The following SUPT3H variants were observed in gnomAD, a reference collection of about 807,000 sequenced individuals.
The protein encoded by SUPT3H is SPT3 homolog, SAGA and STAGA complex component, also known as transcription initiation protein SPT3 homolog.
A neutral mutation model predicts 44.3 loss-of-function variants in SUPT3H; 44 were observed. The observed-to-expected ratio is 0.99, with a 90% CI of 0.78 to 1.28. The LOEUF (loss-of-function observed/expected upper bound fraction) is 1.28. SUPT3H is among the 50% of genes most tolerant of loss of function. The pLI is 0.00. For synonymous variants in SUPT3H, 124 were observed against 125.6 expected, an observed-to-expected ratio of 0.99 and a Z score of 0.09; for missense variants, 380 against 387.1, an observed-to-expected ratio of 0.98 and a Z score of 0.15.
At chr6:44,913,250 C>T (rs950020929) in intron 10 of SUPT3H, among the ~76,000 whole-genome samples, 2 of 152,146 alleles carry the variant, frequency 1.3e-5, no homozygotes, top group African/African-American at 4.8e-5. Flanking sequence ...TTCTTTGCTA[C>T]AATGCTGAGA....
chr6:44,938,484 T>C (rs1102211), intron 9 of SUPT3H, among the ~76,000 whole-genome samples: 10,557 of 152,212 alleles, frequency 0.069, 1,230 homozygotes, highest in African/African-American at 0.24. Context: ...GGCCTCACAG[T>C]ATAATCTGAA....
intron 6 of SUPT3H, among the ~76,000 whole-genome samples, chr6:44,975,526 G>A (rs1245913873): frequency 6.6e-6 from 1 of 151,988 alleles, no homozygotes; most frequent in African/African-American, 2.4e-5. Flanking sequence ...TAAGAACTAA[G>A]CTATGAAGAT....
intron 3 of SUPT3H, among the ~76,000 whole-genome samples, chr6:45,023,500 C>G (rs1785478676): frequency 6.6e-6 from 1 of 151,978 alleles, no homozygotes; most frequent in South Asian, 2.1e-4. Context: ...CAGTACTGTT[C>G]ACAATAACAA....
At chr6:45,308,755 TTA>T (rs1049767053) in intron 2 of SUPT3H, among the ~76,000 whole-genome samples, 1 of 11,922 alleles carries the variant, frequency 8.4e-5, no homozygotes, top group Non-Finnish European at 1.4e-4. Flanking sequence ...AAAAATAAAT[TTA>T]AAAAAAAAAA....
At chr6:45,010,243 T>C (rs559303965) in intron 5 of SUPT3H, among the ~76,000 whole-genome samples, 2 of 152,268 alleles carry the variant, frequency 1.3e-5, no homozygotes, top group East Asian at 3.9e-4. Flanking sequence ...ATTGAATTTC[T>C]TAGAATTTTC....
At chr6:44,837,455 G>A (rs533717810) in intron 10 of SUPT3H, among the ~76,000 whole-genome samples, 28 of 152,276 alleles carry the variant, frequency 1.8e-4, no homozygotes, top group African/African-American at 6.5e-4. Context: ...AGCAGGGGCT[G>A]GATAGTCTCA....
chr6:45,153,636 C>T (rs1041604637), intron 2 of SUPT3H, among the ~76,000 whole-genome samples: 6 of 152,178 alleles, frequency 3.9e-5, no homozygotes, highest in East Asian at 1.9e-4. Flanking sequence ...TTAGGGAGCC[C>T]GAGGCTGATG....
At chr6:44,918,859 CA>C (rs1201296846) in intron 10 of SUPT3H, among the ~76,000 whole-genome samples, 5 of 152,040 alleles carry the variant, frequency 3.3e-5, no homozygotes, top group African/African-American at 1.2e-4. Context: ...TGCGGGTGTA[CA>C]AAAACCTTTC....
chr6:45,221,955 G>C (rs1223669855), intron 2 of SUPT3H, among the ~76,000 whole-genome samples: 1 of 152,022 alleles, frequency 6.6e-6, no homozygotes, highest in Non-Finnish European at 1.5e-5. Flanking sequence ...ACAGAATACA[G>C]AACGCAGAAA....
intron 6 of SUPT3H, among the ~76,000 whole-genome samples, chr6:44,964,582 A>G (rs1776522920): frequency 6.6e-6 from 1 of 152,192 alleles, no homozygotes; most frequent in Non-Finnish European, 1.5e-5. Flanking sequence ...TAAACATGTG[A>G]AAGACTAAAT....
At chr6:45,293,166 A>T (rs1343965495) in intron 2 of SUPT3H, among the ~76,000 whole-genome samples, 2 of 152,158 alleles carry the variant, frequency 1.3e-5, no homozygotes. Flanking sequence ...TAAAACTGGA[A>T]ATCAACCCCA....
intron 6 of SUPT3H, among the ~76,000 whole-genome samples, chr6:44,989,610 C>T (rs1163517666): frequency 6.6e-6 from 1 of 152,088 alleles, no homozygotes; most frequent in Non-Finnish European, 1.5e-5. Flanking sequence ...TACCAAACTT[C>T]CTTTCCCACA....
At chr6:45,191,346 T>A (rs1435701865) in intron 2 of SUPT3H, among the ~76,000 whole-genome samples, 1 of 152,060 alleles carries the variant, frequency 6.6e-6, no homozygotes, top group Non-Finnish European at 1.5e-5. Context: ...TCCAACTATA[T>A]GAAATTCTGA....
At chr6:45,167,344 C>A (rs1465261705) in intron 2 of SUPT3H, among the ~76,000 whole-genome samples, 1 of 152,190 alleles carries the variant, frequency 6.6e-6, no homozygotes, top group African/African-American at 2.4e-5. Flanking sequence ...GAACTTTACA[C>A]CTGGCTCCAC....
intron 2 of SUPT3H, among the ~76,000 whole-genome samples, chr6:45,294,422 T>C (rs147477664): frequency 1.3e-5 from 2 of 152,120 alleles, no homozygotes; most frequent in African/African-American, 2.4e-5. Flanking sequence ...ACAGGAACAA[T>C]ACAAGGCTGC....
chr6:45,345,707 TA>T (rs1276122914), intron 2 of SUPT3H, among the ~76,000 whole-genome samples: 1 of 152,230 alleles, frequency 6.6e-6, no homozygotes, highest in African/African-American at 2.4e-5. Context: ...CAACTCATTT[TA>T]CATGATGCAT....
intron 2 of SUPT3H, among the ~76,000 whole-genome samples, chr6:45,284,433 A>T (rs1023319011): frequency 6.6e-6 from 1 of 152,240 alleles, no homozygotes; most frequent in Admixed American, 6.5e-5. Flanking sequence ...TCCCACAGAA[A>T]TACAAACTAT....
intron 10 of SUPT3H, among the ~76,000 whole-genome samples, chr6:44,885,290 T>C (rs1480116019): frequency 1.3e-5 from 2 of 152,116 alleles, no homozygotes; most frequent in South Asian, 2.1e-4. Context: ...CAGCTGGAGA[T>C]CTGAGAACGG....
At chr6:45,292,647 T>C (rs915242744) in intron 2 of SUPT3H, among the ~76,000 whole-genome samples, 2 of 151,056 alleles carry the variant, frequency 1.3e-5, no homozygotes, top group African/African-American at 4.9e-5. Context: ...AAAAGACATT[T>C]TATGCAAAAG....
Sources: gnomAD v4.1 joint callset for allele counts (sites outside exome capture counted in the v4.1 genomes callset) on GRCh38, gnomAD v4.1.1 for gene constraint, MANE v1.5 for transcripts, NCBI Gene and HGNC (gene_info 2026-07-23, HGNC 2026-07-21) for gene names.